Variants in NCOR2 observed in about 807,000 individuals in gnomAD.
The protein encoded by NCOR2 is CTG repeat protein 26.
Under a neutral mutation model 262.9 loss-of-function variants are expected in NCOR2, and 81 were observed. That is an observed-to-expected ratio of 0.31 (90% CI 0.26 to 0.37). NCOR2 has a LOEUF of 0.37. Ranked by LOEUF, NCOR2 falls within the 10% of genes least tolerant of loss-of-function variation. The pLI is 1.00. For synonymous variants in NCOR2, 1,659 were observed against 1,559.3 expected (o/e 1.06, Z -1.51); for missense variants, 3,385 against 3,621.4 (o/e 0.93, Z 1.68).
intron 13 of NCOR2, among the ~76,000 whole-genome samples, chr12:124,404,157 A>G (rs2042137612): frequency 1.3e-5 from 2 of 152,188 alleles, no homozygotes; most frequent in South Asian, 4.1e-4. Context: ...GTTCCTACAC[A>G]GTATCCTTTC....
intron 6 of NCOR2, among the ~76,000 whole-genome samples, chr12:124,456,312 G>C (rs1249816930): frequency 1.3e-5 from 2 of 152,214 alleles, no homozygotes; most frequent in Non-Finnish European, 2.9e-5. Context: ...CATCCATGCT[G>C]ACCAGCTCAG....
chr12:124,438,811 G>GAGAGA (rs2044571476), intron 7 of NCOR2, among the ~76,000 whole-genome samples: 1 of 15,554 alleles, frequency 6.4e-5, no homozygotes, highest in African/African-American at 2.4e-4. Context: ...AGAGAGAGAC[G>GAGAGA]GAGACCCAGA....
chr12:124,534,535 A>G lies in NCOR2; in HGVS notation c.-118+1030T>C, dbSNP rs539779878. 1.7e-3 allele frequency among the ~76,000 whole-genome samples: 266 copies of G among 152,292 alleles called. 2 individuals are homozygous for G. Among genetic ancestry groups the G allele is most frequent in the African/African-American group, 6.3e-3 (263 of 41,566 alleles). ...GTCCATCGTTGACCAGAATGTCGTT[A>G]TGCAGCACATGACTGTATTTGGAAC... On this transcript the variant is annotated intron_variant, in intron 1 of 46. Coordinates refer to the NCOR2 transcript ENST00000404621.
At position 124,483,857 on chromosome 12, in the gene NCOR2, C is replaced by G. The variant is rs2047631733; in HGVS notation, c.234-84G>C. 7 of 1,399,936 alleles carry G rather than the reference C, an allele frequency of 5.0e-6. No individual in the cohort carries two copies. In the Admixed American group the frequency reaches 7.9e-5, roughly 16 times the overall value. The allele number at this position is 1,399,936 out of a possible 1,614,324, so 86.7% of individuals were successfully genotyped here. On this transcript the variant is annotated intron_variant, in intron 2 of 46. Coordinates refer to ENST00000405201, the Ensembl canonical transcript of NCOR2. This position sits in a 1 kb window ranked among gnomAD's most constrained non-coding sequence, Gnocchi z 6.3. Reference sequence around the variant, plus strand: ...GGCCCCGACCACCCTCTGCGCCGAGCATCTACTGCGCGCCGTGCTCTGTAT... The same window carrying G: ...GGCCCCGACCACCCTCTGCGCCGAGGATCTACTGCGCGCCGTGCTCTGTAT...
At chr12:124,484,041 G>T (rs2047645003) in intron 2 of NCOR2, among the ~76,000 whole-genome samples, 1 of 152,034 alleles carries the variant, frequency 6.6e-6, no homozygotes, top group South Asian at 2.1e-4. Context: ...CAGAGTGACT[G>T]CCCCTCCCTT....
intron 6 of NCOR2, among the ~76,000 whole-genome samples, chr12:124,455,744 G>A (rs1291973355): frequency 6.6e-6 from 1 of 152,248 alleles, no homozygotes; most frequent in Admixed American, 6.5e-5. Context: ...ACCCTGGAAG[G>A]AGGCCCTAGA....
chr12:124,421,661 G>A (rs920352528), intron 12 of NCOR2, among the ~76,000 whole-genome samples: 1 of 152,220 alleles, frequency 6.6e-6, no homozygotes, highest in African/African-American at 2.4e-5. Context: ...GGGGTGGGCA[G>A]GTCCCCATCT....
chr12:124,390,701 G>A (rs116996074), intron 16 of NCOR2, among the ~76,000 whole-genome samples: 2,689 of 152,336 alleles, frequency 0.018, 40 homozygotes, highest in Non-Finnish European at 0.029. Context: ...CCCAAAAGAG[G>A]CTGGGGTATC....
Position 124,327,777 on chromosome 12 carries a change from C to T in NCOR2, c.6959-144G>A, listed in dbSNP as rs1402129545. The stretch of plus-strand genomic sequence containing the variant: ...AGAGAAATACACAGTGAGCACATTT[C>T]GGCAAAGCAACATATTTATTTCCCT... On this transcript the variant is annotated intron_variant, in intron 44 of 46. Coordinates refer to ENST00000405201, the Ensembl canonical transcript of NCOR2. 5.1e-5 allele frequency: 32 copies of T among 625,776 alleles called. No homozygotes were observed. The East Asian group carries it at 5.5e-4, about 11-fold the overall frequency. The allele number at this position is 625,776 out of a possible 1,614,324, so 38.8% of individuals were successfully genotyped here. A position where few individuals can be genotyped will look rare whatever the true frequency, so the allele number is the denominator to read the frequency against.
chr12:124,426,984 T>A (rs2043587220), intron 10 of NCOR2, among the ~76,000 whole-genome samples, 184 bp from the exon 13 acceptor site: 1 of 152,038 alleles, frequency 6.6e-6, no homozygotes, highest in South Asian at 2.1e-4. Context: ...GAAGGGAGAA[T>A]GTAAAGGCCT....
intron 10 of NCOR2, among the ~76,000 whole-genome samples, chr12:124,428,388 AT>A (rs1406329435): frequency 3.9e-5 from 6 of 152,250 alleles, no homozygotes; most frequent in African/African-American, 1.4e-4. Context: ...ATGAAAAATT[AT>A]GTTTTAATGG....
intron 3 of NCOR2, among the ~76,000 whole-genome samples, chr12:124,476,491 C>A (rs1244982067): frequency 6.6e-6 from 1 of 152,174 alleles, no homozygotes; most frequent in Non-Finnish European, 1.5e-5. Context: ...GGGGGCCAGG[C>A]CACCCTAAAA....
At chr12:124,325,377 GCCCCC>G in exon 47 of NCOR2, 7 of 246,778 alleles carry the variant, frequency 2.8e-5, no homozygotes, top group Non-Finnish European at 4.6e-5. Context: ...ACCTGACACC[GCCCCC>G]CCCCCCGCCC....
Position 124,549,101 on chromosome 12 carries a change from C to G in NCOR2, c.-164-13490G>C, listed in dbSNP as rs1381558891. Among the ~76,000 whole-genome samples the G allele has an allele frequency of 6.6e-6, 1 of 152,048 alleles. No homozygotes were observed. Among genetic ancestry groups the G allele is most frequent in the East Asian group, 1.9e-4 (1 of 5,180 alleles). On this transcript the variant is annotated intron_variant, in intron 1 of 32. Transcript: ENST00000458234. This position sits in a 1 kb window ranked among gnomAD's most constrained non-coding sequence, Gnocchi z 4.4. ...CCCAAGTCTATGGGGTAAATATTGT[C>G]AGGGTGGTTGGGATGCAGTGTGGCG...
chr12:124,325,329 G>A lies in NCOR2; in HGVS notation c.*73C>T, dbSNP rs184216366. ...TCCTTGGTTGGGGGAGTCGGCAGCCGCCCTGCTCCTGCAGGGCCGTTCCTG... is the reference window on the plus strand; with the variant it reads ...TCCTTGGTTGGGGGAGTCGGCAGCCACCCTGCTCCTGCAGGGCCGTTCCTG... On this transcript the variant is annotated 3_prime_UTR_variant, in exon 47 of 47. Transcript: ENST00000405201. 1.4e-4 allele frequency: 151 copies of A among 1,069,102 alleles called. No individual in the cohort carries two copies. In the African/African-American group the frequency reaches 1.8e-3, roughly 13 times the overall value. 66.2% of individuals were successfully genotyped at this position (1,069,102 alleles called of 1,614,324 possible).
intron 11 of NCOR2, 22 bp from the exon 14 acceptor site, chr12:124,422,577 C>T (rs372232245): frequency 9.9e-6 from 16 of 1,613,380 alleles, no homozygotes; most frequent in African/African-American, 4.0e-5. Flanking sequence ...GAAGGGTGGG[C>T]GTGAGACCTG....
At chr12:124,550,797 G>A (rs550435297) in intron 1 of NCOR2, among the ~76,000 whole-genome samples, 45 of 152,190 alleles carry the variant, frequency 3.0e-4, no homozygotes, top group Admixed American at 2.6e-4. Context: ...ACCCAGCAAA[G>A]CCCCCGTGGA....
chr12:124,413,326 G>A (rs1324688288), intron 13 of NCOR2, among the ~76,000 whole-genome samples: 1 of 152,208 alleles, frequency 6.6e-6, no homozygotes, highest in Non-Finnish European at 1.5e-5. Flanking sequence ...GGCCAGGCGC[G>A]GCTGATCCCT....
At chr12:124,427,379 G>A (rs976295589) in intron 10 of NCOR2, among the ~76,000 whole-genome samples, 10 of 152,166 alleles carry the variant, frequency 6.6e-5, no homozygotes, top group Admixed American at 1.3e-4. Context: ...GGAGTCAGGC[G>A]GCCGCTCCTA....
Sources: allele counts gnomAD v4.1 joint callset (sites outside exome capture counted in the v4.1 genomes callset), GRCh38; gene constraint gnomAD v4.1.1; non-coding constraint Gnocchi (gnomAD v3.1); transcripts MANE v1.5; gene names NCBI Gene and HGNC (gene_info 2026-07-23, HGNC 2026-07-21).